Variants in LIG4 observed in about 807,000 individuals in gnomAD.
The protein encoded by LIG4 is DNA ligase 4.
A neutral mutation model predicts 19.0 loss-of-function variants in LIG4; 13 were observed. The ratio of observed to expected loss-of-function variants is 0.68; its 90% confidence interval spans 0.44 to 1.09. The LOEUF (loss-of-function observed/expected upper bound fraction) is 1.09, where lower values mean the gene tolerates loss of function less well. Among genes scored for constraint, LIG4 ranks in the 50% least tolerant of loss-of-function variants. The pLI is 0.00. For synonymous variants in LIG4, 361 were observed against 358.2 expected (o/e 1.01, Z -0.09); for missense variants, 1,026 against 1,089.7 (o/e 0.94, Z 0.82).
chr13:108,209,471 C>T lies in LIG4; in HGVS notation c.1798G>A (p.Glu600Lys), dbSNP rs61731910. 1.1e-3 allele frequency: 1,719 copies of T among 1,614,084 alleles called. 17 individuals are homozygous for T. In the African/African-American group the frequency reaches 0.019, roughly 18 times the overall value. The change falls in exon 3 of 3, where the codon GAA (glutamate) becomes AAA (lysine). Residue 600 changes from glutamate (E) to lysine (K), a missense_variant. Coordinates refer to ENST00000442234, the MANE Select transcript of LIG4 (RefSeq NM_206937.2). Reference protein sequence around the residue: ...WHECMTLDDLEQLRGKASGKL... With the variant: ...WHECMTLDDLKQLRGKASGKL... The stretch of plus-strand genomic sequence containing the variant: ...CCAGATGCCTTCCCCCTAAGTTGTT[C>T]TAGGTCGTCCAGGGTCATGCACTCA...
In LIG4 at chr13:108,208,583, C is replaced by T. The variant is rs1359077093; in HGVS notation, c.2686G>A (p.Asp896Asn). The change falls in exon 3 of 3, where the codon GAT (aspartate) becomes AAT (asparagine). Residue 896 changes from aspartate to asparagine, a missense_variant. Physicochemically the swap from Asp to Asn is conservative, Grantham distance 23. This residue lies in a region of LIG4 where 521 missense variants were observed against 515.5 expected (regional missense o/e 1.01). Coordinates refer to ENST00000442234, the MANE Select transcript of LIG4 (RefSeq NM_206937.2). The part of the protein sequence containing the change: ...FKILKESWVT[D>N]SIDKCELQEE... Reference sequence around the variant, plus strand: ...TGTAATTCACACTTGTCTATTGAATCAGTTACCCAACTTTCTTTTAGGATT... The same window carrying T: ...TGTAATTCACACTTGTCTATTGAATTAGTTACCCAACTTTCTTTTAGGATT... The T allele has an allele frequency of 6.2e-6, 10 of 1,612,946 alleles. No homozygotes were observed. The highest frequency in any genetic ancestry group is 1.6e-4 in the Middle Eastern group (1 of 6,082).
In LIG4 at chr13:108,208,340, T is replaced by C; in HGVS notation, c.*193A>G. The C allele has an allele frequency of 1.9e-6, 1 of 529,034 alleles. No homozygotes were observed. The highest frequency in any genetic ancestry group is 2.3e-5 in the South Asian group (1 of 44,040). 32.8% of individuals were successfully genotyped at this position (529,034 alleles called of 1,614,324 possible). On this transcript the variant is annotated 3_prime_UTR_variant, in exon 3 of 3. Transcript: ENST00000442234. ...CATTGAATACTACATTCAAGATAAT[T>C]TTTCTTTCTTGGCTTTGGGCTATTG...
chr13:108,212,015 G>C (rs185795784), intron 2 of LIG4, among the ~76,000 whole-genome samples: 2 of 151,864 alleles, frequency 1.3e-5, no homozygotes, highest in African/African-American at 4.8e-5. Flanking sequence ...TTTTACCATA[G>C]TTACTTACTG....
intron 2 of LIG4, among the ~76,000 whole-genome samples, chr13:108,212,463 T>C (rs1878768249): frequency 6.6e-6 from 1 of 152,182 alleles, no homozygotes; most frequent in African/African-American, 2.4e-5. Context: ...AATTTTAATA[T>C]GGTTTAAACT....
chr13:108,211,410 C>T, intron 2 of LIG4, 114 bp from the exon 3 acceptor site: 1 of 716,486 alleles, frequency 1.4e-6, no homozygotes, highest in Admixed American at 2.4e-5. Context: ...TTAATGTTTA[C>T]TAAAAAAAAG....
chr13:108,212,023 C>T (rs1878713415), intron 2 of LIG4, among the ~76,000 whole-genome samples: 2 of 152,182 alleles, frequency 1.3e-5, no homozygotes, highest in Non-Finnish European at 2.9e-5. Flanking sequence ...TAGTTACTTA[C>T]TGTCTTATAA....
upstream of LIG4, among the ~76,000 whole-genome samples, chr13:108,217,527 G>A (rs925642083): frequency 2.0e-5 from 3 of 147,188 alleles, no homozygotes; most frequent in Admixed American, 6.7e-5. Context: ...TCTCAAAACA[G>A]CAACAAAACA....
chr13:108,213,645 T>C (rs936779494), intron 2 of LIG4, among the ~76,000 whole-genome samples: 1 of 152,264 alleles, frequency 6.6e-6, no homozygotes. Context: ...AGCTGATTCA[T>C]TCCATTTGCA....
chr13:108,210,678 A>AC lies in LIG4; in HGVS notation c.590dup (p.Val198CysfsTer2). On this transcript the variant is annotated frameshift_variant, in exon 3 of 3. Transcript: ENST00000442234. LOFTEE classifies it high-confidence loss of function. ...CAGAAAAGATAGTTTGCTGACTAAC[A>AC]CCAAGCTTTAAATCCTTTATGATCA... is the stretch of plus-strand genomic sequence containing the variant. The AC allele has an allele frequency of 1.9e-6, 3 of 1,613,874 alleles. No individual in the cohort carries two copies. Among genetic ancestry groups the AC allele is most frequent in the Non-Finnish European group, 2.5e-6 (3 of 1,179,942 alleles).
chr13:108,217,753 A>C (rs924649212), upstream of LIG4, among the ~76,000 whole-genome samples: 1 of 152,120 alleles, frequency 6.6e-6, no homozygotes, highest in Admixed American at 6.5e-5. Flanking sequence ...TATATATAAA[A>C]TAGGGGACAT....
At position 108,210,852 on chromosome 13, in the gene LIG4, C is replaced by A; in HGVS notation, c.417G>T (p.Gln139His). 1 of 1,614,020 alleles carries A rather than the reference C, an allele frequency of 6.2e-7. No individual in the cohort carries two copies. Among genetic ancestry groups the A allele is most frequent in the South Asian group, 1.1e-5 (1 of 91,068 alleles). The change falls in exon 3 of 3, where the codon CAG becomes CAT. Residue 139 changes from glutamine (Q) to histidine (H), a missense_variant. Physicochemically the swap from Gln to His is conservative, Grantham distance 24. Transcript: ENST00000442234. Reference sequence around the variant, plus strand: ...CTTGCTGTATGGTTAAACTTCCTTTCTGTAAACATCTTGGCTTCAACACAA... The same window carrying A: ...CTTGCTGTATGGTTAAACTTCCTTTATGTAAACATCTTGGCTTCAACACAA... ...AYFVLKPRCL[Q>H]KGSLTIQQVN...
At chr13:108,216,709 C>A (rs540749718), upstream of LIG4, among the ~76,000 whole-genome samples, 13 of 152,326 alleles carry the variant, frequency 8.5e-5, no homozygotes, top group South Asian at 2.5e-3. Flanking sequence ...ACTTGCCCAT[C>A]TTAGGAGAGG....
rs3093761 is a variant in LIG4 at position 108,211,411 on chromosome 13, T to TA, written c.-28-116dup. On this transcript the variant is annotated intron_variant, in intron 2 of 2. Coordinates refer to ENST00000442234, the MANE Select transcript of LIG4 (RefSeq NM_206937.2). The stretch of plus-strand genomic sequence containing the variant: ...ATAATAAATGTTTATTAATGTTTAC[T>TA]AAAAAAAAGATCAATGCTCTAAATG... 6,468 of 707,368 alleles carry TA rather than the reference T, an allele frequency of 9.1e-3. 313 individuals are homozygous for TA. The African/African-American group carries it at 0.1, about 11-fold the overall frequency. 43.8% of individuals were successfully genotyped at this position (707,368 alleles called of 1,614,324 possible). A position where few individuals can be genotyped will look rare whatever the true frequency, so the allele number is the denominator to read the frequency against.
rs1476169290 is a variant in LIG4 at position 108,210,052 on chromosome 13, G to A, written c.1217C>T (p.Thr406Ile). ...IPGRIEIVQKTQAHTKNEVID... is the reference protein window; with the variant it reads ...IPGRIEIVQKIQAHTKNEVID... Reference sequence around the variant, plus strand: ...TACTTCATTCTTAGTATGAGCTTGTGTTTTCTGCACTATTTCTATTCTACC... The same window carrying A: ...TACTTCATTCTTAGTATGAGCTTGTATTTTCTGCACTATTTCTATTCTACC... The change falls in exon 3 of 3, where the codon ACA becomes ATA. Residue 406 changes from threonine to isoleucine, a missense_variant. Thr to Ile is a moderately conservative substitution (Grantham distance 89). Coordinates refer to ENST00000442234, the MANE Select transcript of LIG4 (RefSeq NM_206937.2). 3 of 1,612,510 alleles carry A rather than the reference G, an allele frequency of 1.9e-6. No individual in the cohort carries two copies. Among genetic ancestry groups the A allele is most frequent in the East Asian group, 4.5e-5 (2 of 44,860 alleles).
In LIG4 at chr13:108,207,896, A is replaced by C. The variant is rs926766574; in HGVS notation, c.*637T>G. On this transcript the variant is annotated 3_prime_UTR_variant, in exon 3 of 3. Coordinates refer to ENST00000442234, the MANE Select transcript of LIG4 (RefSeq NM_206937.2). The stretch of plus-strand genomic sequence containing the variant: ...TTTTAAAATTGCAAGCTTTATTTTT[A>C]ATCAAACCAATTCAATTTTAAGTTT... The C allele has an allele frequency of 6.6e-6, 1 of 151,962 alleles. No homozygotes were observed. The highest frequency in any genetic ancestry group is 6.6e-5 in the Admixed American group (1 of 15,264). The allele number at this position is 151,962 out of a possible 1,614,324, so 9.4% of individuals were successfully genotyped here. A position where few individuals can be genotyped will look rare whatever the true frequency, so the allele number is the denominator to read the frequency against.
At chr13:108,216,180 A>G (rs1423042034), upstream of LIG4, among the ~76,000 whole-genome samples, 1 of 152,226 alleles carries the variant, frequency 6.6e-6, no homozygotes, top group Non-Finnish European at 1.5e-5. Context: ...ATTATTATAT[A>G]GTAATGGTGC....
At chr13:108,218,303 G>A (rs12868821), upstream of LIG4, 2,722 of 152,438 alleles carry the variant, frequency 0.018, 27 homozygotes, top group Non-Finnish European at 0.029. Context: ...TCCTGGAGCA[G>A]GGAGCCGGGC....
At chr13:108,215,856 TGG>T (rs1879263422), upstream of LIG4, among the ~76,000 whole-genome samples, 1 of 152,122 alleles carries the variant, frequency 6.6e-6, no homozygotes, top group African/African-American at 2.4e-5. Flanking sequence ...CGTAAAACAG[TGG>T]TAACTATACT....
In LIG4 at chr13:108,209,380, G is replaced by A. The variant is rs1878328540; in HGVS notation, c.1889C>T (p.Ala630Val). The A allele has an allele frequency of 6.2e-7, 1 of 1,614,124 alleles. No homozygotes were observed. The highest frequency in any genetic ancestry group is 2.2e-5 in the East Asian group (1 of 44,876). ...AATAACTTTCTTCATCTTTGGGGCA[G>A]CTTTCCGCTTTTTTTCTTGTGGTTC... ...DDEPQEKKRK[A>V]APKMKKVIGI... The change falls in exon 3 of 3, where the codon GCT (alanine) becomes GTT (valine). Residue 630 changes from alanine to valine, a missense_variant. Around this residue, in one of 3 missense-constraint regions of LIG4, gnomAD observed 521 missense variants for 515.5 expected, o/e 1.01. Transcript: ENST00000442234.
Sources: gnomAD v4.1 joint callset for allele counts (sites outside exome capture counted in the v4.1 genomes callset) on GRCh38, gnomAD v4.1.1 for gene constraint, gnomAD v4.1.1 regional missense constraint, MANE v1.5 for transcripts, NCBI Gene and HGNC (gene_info 2026-07-23, HGNC 2026-07-21) for gene names.